LANCL1: variants seen among roughly 807,000 people sequenced by gnomAD.
LANCL1 encodes glutathione S-transferase LANCL1.
A neutral mutation model predicts 50.6 loss-of-function variants in LANCL1; 50 were observed. The observed-to-expected ratio is 0.99, with a 90% CI of 0.79 to 1.25. LANCL1 has a LOEUF of 1.25. Among genes scored for constraint, LANCL1 ranks in the 50% most tolerant of loss-of-function variants. LANCL1 has a pLI of 0.00. For synonymous variants in LANCL1, 188 were observed against 178.6 expected, an observed-to-expected ratio of 1.05 and a Z score of -0.42; for missense variants, 532 against 480.7, an observed-to-expected ratio of 1.11 and a Z score of -1.00.
At position 210,436,524 on chromosome 2, in the gene LANCL1, G is replaced by A. The variant is rs1476177358; in HGVS notation, c.874-132C>T. On this transcript the variant is annotated intron_variant, in intron 7 of 9. Transcript: ENST00000450366. Reference sequence around the variant, plus strand: ...AGGGTAAAGGATTTAGTGACAGAGGGATGTGTTATGTTGCTAGTGACAATT... The same window carrying A: ...AGGGTAAAGGATTTAGTGACAGAGGAATGTGTTATGTTGCTAGTGACAATT... The A allele has an allele frequency of 9.7e-6, 8 of 821,244 alleles. No homozygotes were observed. The Admixed American group carries it at 1.2e-4, about 12-fold the overall frequency. The allele number at this position is 821,244 out of a possible 1,614,324, so 50.9% of individuals were successfully genotyped here. A position where few individuals can be genotyped will look rare whatever the true frequency, so the allele number is the denominator to read the frequency against.
chr2:210,476,538 C>A, intron 1 of LANCL1, 82 bp downstream of exon 1: 1 of 1,410,308 alleles, frequency 7.1e-7, no homozygotes, highest in Admixed American at 3.3e-5. Flanking sequence ...TCTCGGCGGT[C>A]CGAGTGGACC....
In LANCL1 at chr2:210,432,426, G is replaced by A. The variant is rs1419221183; in HGVS notation, c.*2061C>T. ...CAGACCTTGGCAATGACTTTGAGCA[G>A]TAGGATGTAAATGACTCCCACAAGC... On this transcript the variant is annotated 3_prime_UTR_variant, in exon 10 of 10. Transcript: ENST00000450366. The A allele has an allele frequency of 6.6e-6, 1 of 152,170 alleles. No individual in the cohort carries two copies. The highest frequency in any genetic ancestry group is 2.4e-5 in the African/African-American group (1 of 41,438). 9.4% of individuals were successfully genotyped at this position (152,170 alleles called of 1,614,324 possible).
intron 4 of LANCL1, 121 bp from the exon 5 acceptor site, chr2:210,441,564 T>C (rs770262423): frequency 2.7e-6 from 2 of 728,920 alleles, no homozygotes. Flanking sequence ...ACATATATAA[T>C]ATCTATTTAT....
At chr2:210,472,669 T>C (rs780549558) in intron 2 of LANCL1, among the ~76,000 whole-genome samples, 2 of 152,204 alleles carry the variant, frequency 1.3e-5, no homozygotes, top group Non-Finnish European at 2.9e-5. Flanking sequence ...CAAATGTTTC[T>C]CAATGAATGA....
intron 6 of LANCL1, among the ~76,000 whole-genome samples, chr2:210,439,633 CTGAT>C (rs1480800258): frequency 6.6e-6 from 1 of 152,160 alleles, no homozygotes; most frequent in African/African-American, 2.4e-5. Context: ...ACGCTAGTCT[CTGAT>C]TGCCACTAAC....
rs183634350 is a variant in LANCL1 at position 210,451,494 on chromosome 2, T to G, written c.407+3613A>C. ...TAATAACAACAAAAAAGTAGAAGCA[T>G]AAGCAATGATTTTTACAAGCCATAA... is the stretch of plus-strand genomic sequence containing the variant. On this transcript the variant is annotated intron_variant, in intron 4 of 9. Transcript: ENST00000450366. 2.8e-4 allele frequency among the ~76,000 whole-genome samples: 42 copies of G among 152,074 alleles called. No individual in the cohort carries two copies. The East Asian group carries it at 7.5e-3, about 27-fold the overall frequency.
intron 3 of LANCL1, among the ~76,000 whole-genome samples, chr2:210,457,033 T>C (rs1311470354): frequency 2.0e-5 from 3 of 152,188 alleles, no homozygotes; most frequent in Admixed American, 6.5e-5. Flanking sequence ...ATCTTTCTAG[T>C]TTCTGGGATT....
intron 3 of LANCL1, among the ~76,000 whole-genome samples, chr2:210,463,866 A>G (rs1331444864): frequency 6.6e-6 from 1 of 152,220 alleles, no homozygotes; most frequent in Non-Finnish European, 1.5e-5. Flanking sequence ...GGTAAAAGTC[A>G]GGGATACAGC....
chr2:210,456,688 C>T (rs1399596868), intron 3 of LANCL1, among the ~76,000 whole-genome samples: 1 of 152,160 alleles, frequency 6.6e-6, no homozygotes, highest in African/African-American at 2.4e-5. Flanking sequence ...GCAGGTGATC[C>T]ATTTAAATTG....
At chr2:210,471,582 G>C (rs1233834249) in intron 3 of LANCL1, 1 of 466,222 alleles carries the variant, frequency 2.1e-6, no homozygotes, top group Non-Finnish European at 4.3e-6. Flanking sequence ...TTTTATTCCT[G>C]AGATCAATCC....
chr2:210,437,853 T>G lies in LANCL1; in HGVS notation c.710A>C (p.Gln237Pro), dbSNP rs762171410. 1.9e-6 allele frequency: 3 copies of G among 1,599,658 alleles called. No individual in the cohort carries two copies. The highest frequency in any genetic ancestry group is 2.6e-6 in the Non-Finnish European group (3 of 1,174,634). Residue 237 changes from glutamine to proline, a missense_variant, in exon 7 of 10, where the codon CAA becomes CCA. Transcript: ENST00000450366. The part of the protein sequence containing the change: ...YLMQPSLQVS[Q>P]GKLHSLVKPS... ...CTTGACCAAACTATGTAACTTCCCT[T>G]GGCTCACTTGAAGGCTGGGCTAAAA... is the stretch of plus-strand genomic sequence containing the variant.
intron 4 of LANCL1, among the ~76,000 whole-genome samples, chr2:210,447,173 C>G (rs111346200): frequency 0.034 from 5,151 of 152,256 alleles, 246 homozygotes; most frequent in African/African-American, 0.12. Context: ...CCCCAGAAGC[C>G]AGAAGACAGT....
chr2:210,444,213 A>G, intron 4 of LANCL1, among the ~76,000 whole-genome samples: 1 of 152,128 alleles, frequency 6.6e-6, no homozygotes, highest in East Asian at 1.9e-4. Context: ...AACAAAATCA[A>G]ACAAAATCCC....
chr2:210,455,419 AT>A, intron 3 of LANCL1, 105 bp from the exon 4 acceptor site: 1 of 874,590 alleles, frequency 1.1e-6, no homozygotes, highest in African/African-American at 1.7e-5. Flanking sequence ...CCTGTAGCAA[AT>A]TTATTAATGA....
Position 210,446,325 on chromosome 2 carries a change from C to T in LANCL1, c.408-4882G>A, listed in dbSNP as rs911321066. Among the ~76,000 whole-genome samples, 4 of 152,264 alleles carry T rather than the reference C, an allele frequency of 2.6e-5. No homozygotes were observed. In the South Asian group the frequency reaches 8.3e-4, roughly 32 times the overall value. On this transcript the variant is annotated intron_variant, in intron 4 of 9. Transcript: ENST00000450366. Reference sequence around the variant, plus strand: ...TGGTGATCAATATCAACAAAAAGGACATCCACTCAGAAACCCCATCTGAAG... The same window carrying T: ...TGGTGATCAATATCAACAAAAAGGATATCCACTCAGAAACCCCATCTGAAG...
chr2:210,438,245 C>T (rs1348513878), intron 6 of LANCL1, among the ~76,000 whole-genome samples: 3 of 151,208 alleles, frequency 2.0e-5, no homozygotes, highest in Non-Finnish European at 2.9e-5. Context: ...AGTGATTGTC[C>T]TGTCTCAGCC....
rs573165190 is a variant in LANCL1 at position 210,431,548 on chromosome 2, T to C, written c.*2939A>G. 3.3e-5 allele frequency: 5 copies of C among 152,308 alleles called. No individual in the cohort carries two copies. The highest frequency in any genetic ancestry group is 2.1e-4 in the South Asian group (1 of 4,832). 9.4% of individuals were successfully genotyped at this position (152,308 alleles called of 1,614,324 possible). A position where few individuals can be genotyped will look rare whatever the true frequency, so the allele number is the denominator to read the frequency against. Reference sequence around the variant, plus strand: ...GCAGCCAAAGGAGTATACATGTAAATAGTCACTCTTCACATTTTCTATTTC... The same window carrying C: ...GCAGCCAAAGGAGTATACATGTAAACAGTCACTCTTCACATTTTCTATTTC... On this transcript the variant is annotated 3_prime_UTR_variant, in exon 10 of 10. Coordinates refer to ENST00000450366, the MANE Select transcript of LANCL1 (RefSeq NM_006055.3).
At chr2:210,459,983 GTAAT>G (rs1480656604) in intron 3 of LANCL1, among the ~76,000 whole-genome samples, 2 of 152,006 alleles carry the variant, frequency 1.3e-5, no homozygotes, top group Admixed American at 1.3e-4. Flanking sequence ...CTGTTGAGAA[GTAAT>G]TAATACTAAG....
intron 2 of LANCL1, among the ~76,000 whole-genome samples, chr2:210,475,062 A>G (rs1694319234): frequency 6.6e-6 from 1 of 152,108 alleles, no homozygotes; most frequent in African/African-American, 2.4e-5. Context: ...CTCCATATAC[A>G]TTTTGGTAGC....
Sources: allele counts gnomAD v4.1 joint callset (sites outside exome capture counted in the v4.1 genomes callset), GRCh38; gene constraint gnomAD v4.1.1; transcripts MANE v1.5; gene names NCBI Gene and HGNC (gene_info 2026-07-23, HGNC 2026-07-21).